The following IKZF2 variants were observed in gnomAD, a reference collection of about 807,000 sequenced individuals.
The protein encoded by IKZF2 is zinc finger protein Helios.
Under a neutral mutation model 49.2 loss-of-function variants are expected in IKZF2, and 15 were observed. That is an observed-to-expected ratio of 0.30 (90% CI 0.20 to 0.47). The LOEUF (loss-of-function observed/expected upper bound fraction) is 0.47, where lower values mean the gene tolerates loss of function less well. Ranked by LOEUF, IKZF2 falls within the 20% of genes least tolerant of loss-of-function variation. The pLI is 1.00. For synonymous variants in IKZF2, 227 were observed against 221.4 expected (o/e 1.03, Z -0.23); for missense variants, 567 against 664.6 (o/e 0.85, Z 1.61).
intron 4 of IKZF2, among the ~76,000 whole-genome samples, chr2:213,133,983 T>C (rs2060567437): frequency 1.3e-5 from 2 of 152,208 alleles, no homozygotes; most frequent in African/African-American, 4.8e-5. Context: ...AGTAAACCTT[T>C]TCTTCAACAA....
intron 4 of IKZF2, among the ~76,000 whole-genome samples, chr2:213,145,238 TACAC>T (rs1559331399): frequency 6.6e-6 from 1 of 151,812 alleles, no homozygotes; most frequent in Admixed American, 6.6e-5. Flanking sequence ...TTTTCCTCCT[TACAC>T]ATATATTCCC....
chr2:213,032,333 CAGAT>C (rs1368897828), intron 6 of IKZF2, among the ~76,000 whole-genome samples: 1 of 152,172 alleles, frequency 6.6e-6, no homozygotes, highest in Admixed American at 6.5e-5. Flanking sequence ...GTGGGTCACT[CAGAT>C]AGAAGTTATG....
chr2:213,106,626 T>G (rs1574865440), intron 4 of IKZF2, among the ~76,000 whole-genome samples: 3 of 135,768 alleles, frequency 2.2e-5, no homozygotes, highest in Admixed American at 8.3e-5. Flanking sequence ...GGCGACAGAG[T>G]GAGGGAAACC....
intron 4 of IKZF2, among the ~76,000 whole-genome samples, chr2:213,103,836 T>C (rs1240600379): frequency 6.6e-6 from 1 of 152,142 alleles, no homozygotes; most frequent in Admixed American, 6.6e-5. Context: ...TAAAATTCCT[T>C]AGTTACAAAT....
At chr2:213,050,047 C>T (rs1449114943) in intron 5 of IKZF2, among the ~76,000 whole-genome samples, 167 bp from the exon 6 acceptor site, 2 of 152,100 alleles carry the variant, frequency 1.3e-5, no homozygotes, top group African/African-American at 4.8e-5. Context: ...ATACAGTTAC[C>T]AAAGTCTTAA....
chr2:213,142,860 G>A (rs1363808856), intron 4 of IKZF2, among the ~76,000 whole-genome samples: 1 of 151,870 alleles, frequency 6.6e-6, no homozygotes, highest in African/African-American at 2.4e-5. Context: ...CTCAATAAAG[G>A]ATGCCCCTCT....
chr2:213,014,152 A>G, intron 7 of IKZF2: 1 of 392,028 alleles, frequency 2.6e-6, no homozygotes, highest in Non-Finnish European at 4.7e-6. Context: ...TCTTAAATCC[A>G]TGACATACAT....
chr2:213,009,791 C>T (rs1255157942), intron 8 of IKZF2, among the ~76,000 whole-genome samples: 1 of 151,934 alleles, frequency 6.6e-6, no homozygotes, highest in Non-Finnish European at 1.5e-5. Flanking sequence ...AGGAACACTT[C>T]TTGAAGGAAA....
intron 4 of IKZF2, among the ~76,000 whole-genome samples, chr2:213,107,866 T>C (rs1344569964): frequency 6.6e-6 from 1 of 152,138 alleles, no homozygotes; most frequent in African/African-American, 2.4e-5. Flanking sequence ...GACCTGAAGT[T>C]TACCTGTGTT....
chr2:213,055,223 C>CT (rs1394619239), intron 5 of IKZF2, among the ~76,000 whole-genome samples: 2 of 151,924 alleles, frequency 1.3e-5, no homozygotes, highest in African/African-American at 2.4e-5. Context: ...TACAATCACT[C>CT]TTACATAATG....
At chr2:213,127,488 T>A (rs1165747386) in intron 4 of IKZF2, among the ~76,000 whole-genome samples, 1 of 152,190 alleles carries the variant, frequency 6.6e-6, no homozygotes, top group African/African-American at 2.4e-5. Flanking sequence ...CCCCATTATG[T>A]CAGTTTCACC....
chr2:213,136,298 G>A (rs541786935), intron 4 of IKZF2, among the ~76,000 whole-genome samples: 1 of 142,316 alleles, frequency 7.0e-6, no homozygotes, highest in South Asian at 2.3e-4. Context: ...TTGAACCTGG[G>A]AGTGAAGGGT....
intron 4 of IKZF2, among the ~76,000 whole-genome samples, chr2:213,098,355 A>C (rs1706258459): frequency 6.6e-6 from 1 of 152,074 alleles, no homozygotes; most frequent in Non-Finnish European, 1.5e-5. Flanking sequence ...CTGGAATCAA[A>C]AGAGGTTTGA....
chr2:213,138,458 C>G (rs1229275048), intron 4 of IKZF2, among the ~76,000 whole-genome samples: 1 of 151,938 alleles, frequency 6.6e-6, no homozygotes, highest in East Asian at 1.9e-4. Flanking sequence ...TGGATTATTT[C>G]AACAACTAAG....
intron 4 of IKZF2, among the ~76,000 whole-genome samples, chr2:213,140,777 G>A (rs1165407906): frequency 6.6e-6 from 1 of 151,878 alleles, no homozygotes. Flanking sequence ...ACTCAATATA[G>A]AATTTTGATT....
At position 213,140,662 on chromosome 2, in the gene IKZF2, T is replaced by G. The variant is rs556769816; in HGVS notation, c.139+7046A>C. On this transcript the variant is annotated intron_variant, in intron 4 of 8. Transcript: ENST00000434687. ...TATACCACAAAATGTTGAAGAGCTT[T>G]TTGTTTAAAAATCAGTGGGTCAATC... is the stretch of plus-strand genomic sequence containing the variant. Among the ~76,000 whole-genome samples, 5 of 152,050 alleles carry G rather than the reference T, an allele frequency of 3.3e-5. No homozygotes were observed. The South Asian group carries it at 1.0e-3, about 32-fold the overall frequency.
intron 4 of IKZF2, among the ~76,000 whole-genome samples, chr2:213,057,743 T>C (rs1183263567): frequency 6.6e-6 from 1 of 152,196 alleles, no homozygotes; most frequent in Admixed American, 6.6e-5. Flanking sequence ...CTATTTTTTC[T>C]ATCTAAAAAA....
At chr2:213,051,222 T>C (rs1377314533) in intron 5 of IKZF2, among the ~76,000 whole-genome samples, 1 of 151,994 alleles carries the variant, frequency 6.6e-6, no homozygotes, top group Non-Finnish European at 1.5e-5. Flanking sequence ...TGGCAGCAGC[T>C]ATTGAAAATT....
chr2:213,136,863 T>C (rs2125925667), intron 4 of IKZF2, among the ~76,000 whole-genome samples: 1 of 152,282 alleles, frequency 6.6e-6, no homozygotes, highest in South Asian at 2.1e-4. Context: ...CACATGCACA[T>C]ATATGCTTTT....
Sources: allele counts gnomAD v4.1 joint callset (sites outside exome capture counted in the v4.1 genomes callset), GRCh38; gene constraint gnomAD v4.1.1; transcripts MANE v1.5; gene names NCBI Gene and HGNC (gene_info 2026-07-23, HGNC 2026-07-21).